SUGCT: variants seen among roughly 807,000 people sequenced by gnomAD.
SUGCT encodes succinyl-CoA:glutarate CoA-transferase.
A neutral mutation model predicts 55.0 loss-of-function variants in SUGCT; 41 were observed. The observed-to-expected ratio is 0.74, with a 90% confidence interval of 0.58 to 0.97. The LOEUF is 0.97. Ranked by LOEUF, SUGCT falls within the 50% of genes least tolerant of loss-of-function variation. The pLI, the probability that SUGCT is intolerant of heterozygous loss-of-function variation, is 0.00. For synonymous variants in SUGCT, 187 were observed against 200.4 expected, an observed-to-expected ratio of 0.93 and a Z score of 0.56; for missense variants, 568 against 547.8, an observed-to-expected ratio of 1.04 and a Z score of -0.37.
intron 12 of SUGCT, among the ~76,000 whole-genome samples, chr7:40,605,558 T>G (rs1485347858): frequency 6.6e-6 from 1 of 152,188 alleles, no homozygotes; most frequent in Non-Finnish European, 1.5e-5. Context: ...GCACCGACTA[T>G]GTACCTGCCA....
At position 40,766,188 on chromosome 7, in the gene SUGCT, A is replaced by G. The variant is rs545130680; in HGVS notation, c.1153+16691A>G. ...CAAATCCTGTTGTCAGTCCTGGTAT[A>G]ACTAAATTCAACCTTAAATCTTTAG... is the stretch of plus-strand genomic sequence containing the variant. On this transcript the variant is annotated intron_variant, in intron 13 of 13. Transcript: ENST00000335693. Among the ~76,000 whole-genome samples the G allele has an allele frequency of 2.9e-3, 435 of 152,308 alleles. 1 individual carries two copies. The highest frequency in any genetic ancestry group is 5.1e-3 in the Non-Finnish European group (348 of 68,024).
chr7:40,379,660 C>T (rs941998472), intron 9 of SUGCT, among the ~76,000 whole-genome samples: 9 of 152,142 alleles, frequency 5.9e-5, no homozygotes, highest in Non-Finnish European at 1.2e-4. Flanking sequence ...TTCCTGTCTT[C>T]AAGTATTTGC....
At position 40,249,319 on chromosome 7, in the gene SUGCT, A is replaced by ATCTATATATCTATATATATATC. The variant is rs1562612016; in HGVS notation, c.576+11594_576+11595insCTATATATCTATATATATATCT. On this transcript the variant is annotated intron_variant, in intron 7 of 13. Coordinates refer to ENST00000335693, the MANE Select transcript of SUGCT (RefSeq NM_001193313.2). ...AACAAAAAACACCAAAAAGCTATATATATATATATATATATATATATATAT... is the reference window on the plus strand; with the variant it reads ...AACAAAAAACACCAAAAAGCTATATATCTATATATCTATATATATATCTATATATATATATATATATATATAT... Among the ~76,000 whole-genome samples, 8 of 39,762 alleles carry ATCTATATATCTATATATATATC rather than the reference A, an allele frequency of 2.0e-4. 1 individual carries two copies. The highest frequency in any genetic ancestry group is 3.8e-4 in the Non-Finnish European group (6 of 15,660). The allele number at this position is 39,762 out of a possible 152,430, so 26.1% of individuals were successfully genotyped here. A position where few individuals can be genotyped will look rare whatever the true frequency, so the allele number is the denominator to read the frequency against.
chr7:40,316,695 G>C (rs150925603), intron 8 of SUGCT, 65 bp from the exon 9 acceptor site: 1 of 1,037,526 alleles, frequency 9.6e-7, no homozygotes, highest in East Asian at 2.7e-5. Flanking sequence ...ATAATATAAC[G>C]TTCTCTTTAT....
chr7:40,230,393 G>C (rs893689492), intron 6 of SUGCT, among the ~76,000 whole-genome samples: 1 of 152,218 alleles, frequency 6.6e-6, no homozygotes, highest in Non-Finnish European at 1.5e-5. Context: ...CTAAGGAACT[G>C]TTATTTTTAT....
At chr7:40,399,570 A>G (rs1212218363) in intron 9 of SUGCT, among the ~76,000 whole-genome samples, 1 of 152,186 alleles carries the variant, frequency 6.6e-6, no homozygotes, top group Non-Finnish European at 1.5e-5. Flanking sequence ...TAAAAGATAC[A>G]ACAGGAAAGA....
chr7:40,269,490 T>C (rs1282505060), intron 7 of SUGCT, among the ~76,000 whole-genome samples: 1 of 152,154 alleles, frequency 6.6e-6, no homozygotes, highest in South Asian at 2.1e-4. Context: ...GTCTGGCTAA[T>C]TTTTGTATTT....
rs528836051 is a variant in SUGCT at position 40,860,321 on chromosome 7, G to A, written c.1159G>A (p.Ala387Thr). 35 of 1,613,972 alleles carry A rather than the reference G, an allele frequency of 2.2e-5. No individual in the cohort carries two copies. Among genetic ancestry groups the A allele is most frequent in the Non-Finnish European group, 2.7e-5 (32 of 1,179,864 alleles). Residue 387 changes from alanine (A) to threonine (T), a missense_variant, in exon 14 of 14, where the codon GCT becomes ACT. Coordinates refer to ENST00000335693, the MANE Select transcript of SUGCT (RefSeq NM_001193313.2). ...CTTTCCTTCTCCTTTGGCAGGCCCA[G>A]CTGTGAGATACAGTAAGTTCAAGAT... Reference protein sequence around the residue: ...TVGKISVPGPAVRYSKFKMSE... With the variant: ...TVGKISVPGPTVRYSKFKMSE...
intron 13 of SUGCT, among the ~76,000 whole-genome samples, chr7:40,800,473 G>A (rs537820562): frequency 2.0e-5 from 3 of 151,984 alleles, no homozygotes; most frequent in African/African-American, 4.8e-5. Context: ...TGTATTTTTA[G>A]TAGAGACGGG....
chr7:40,843,967 C>T (rs1372631935), intron 13 of SUGCT, among the ~76,000 whole-genome samples: 2 of 152,106 alleles, frequency 1.3e-5, no homozygotes, highest in Non-Finnish European at 2.9e-5. Context: ...GGCTCATTTA[C>T]TCGGCCCGCA....
intron 8 of SUGCT, among the ~76,000 whole-genome samples, chr7:40,298,952 G>A (rs533400498): frequency 2.6e-5 from 4 of 152,158 alleles, no homozygotes; most frequent in South Asian, 2.1e-4. Flanking sequence ...CTTACTTTGT[G>A]ACTTGAAATG....
Position 40,671,470 on chromosome 7 carries a change from C to T in SUGCT, c.1090-77964C>T, listed in dbSNP as rs1055372844. On this transcript the variant is annotated intron_variant, in intron 12 of 13. Coordinates refer to ENST00000335693, the MANE Select transcript of SUGCT (RefSeq NM_001193313.2). ...TAAAATGGTCTTTGTTTACAAATGA[C>T]ATAATTTACTGAATACTTCTAGAAC... is the stretch of plus-strand genomic sequence containing the variant. Among the ~76,000 whole-genome samples the T allele has an allele frequency of 3.9e-5, 6 of 152,090 alleles. No homozygotes were observed. The East Asian group carries it at 1.2e-3, about 29-fold the overall frequency.
intron 1 of SUGCT, among the ~76,000 whole-genome samples, chr7:40,180,398 G>A (rs1785131305): frequency 6.6e-6 from 1 of 151,908 alleles, no homozygotes; most frequent in Non-Finnish European, 1.5e-5. Flanking sequence ...GATTACAGGC[G>A]TGAGCCACCA....
At chr7:40,374,665 C>T (rs1349913331) in intron 9 of SUGCT, among the ~76,000 whole-genome samples, 2 of 152,090 alleles carry the variant, frequency 1.3e-5, no homozygotes, top group Non-Finnish European at 2.9e-5. Context: ...ATTTGACTGC[C>T]TTAGGTCTAA....
intron 6 of SUGCT, among the ~76,000 whole-genome samples, chr7:40,201,341 A>G (rs1786593455): frequency 6.6e-6 from 1 of 152,220 alleles, no homozygotes; most frequent in Non-Finnish European, 1.5e-5. Flanking sequence ...GGCGATGTTC[A>G]CACTGCATTA....
At position 40,434,383 on chromosome 7, in the gene SUGCT, G is replaced by A. The variant is rs557315549; in HGVS notation, c.817-14904G>A. Among the ~76,000 whole-genome samples the A allele has an allele frequency of 1.5e-4, 23 of 152,182 alleles. 2 individuals carry two copies. In the East Asian group the frequency reaches 4.4e-3, roughly 29 times the overall value. ...GCAGTTTATCATGGTTCCTTCTGTT[G>A]AATAAGGCTGGTCCCATTTTTTTTT... is the stretch of plus-strand genomic sequence containing the variant. On this transcript the variant is annotated intron_variant, in intron 9 of 13. Transcript: ENST00000335693.
intron 10 of SUGCT, among the ~76,000 whole-genome samples, chr7:40,451,169 G>T (rs1789171605): frequency 6.6e-6 from 1 of 152,136 alleles, no homozygotes; most frequent in South Asian, 2.1e-4. Flanking sequence ...CCAGTTCATT[G>T]CTATAAACGA....
At chr7:40,449,859 T>G (rs1379323296) in intron 10 of SUGCT, among the ~76,000 whole-genome samples, 1 of 152,212 alleles carries the variant, frequency 6.6e-6, no homozygotes, top group Non-Finnish European at 1.5e-5. Context: ...GAATTTATGT[T>G]TCAAGGTTTT....
intron 13 of SUGCT, among the ~76,000 whole-genome samples, chr7:40,794,499 T>G (rs1357443934): frequency 1.3e-5 from 2 of 152,160 alleles, no homozygotes; most frequent in South Asian, 4.1e-4. Flanking sequence ...GAAGCCCAGC[T>G]TTATGGAGGG....
Sources: allele counts gnomAD v4.1 joint callset (sites outside exome capture counted in the v4.1 genomes callset), GRCh38; gene constraint gnomAD v4.1.1; transcripts MANE v1.5; gene names NCBI Gene and HGNC (gene_info 2026-07-23, HGNC 2026-07-21).